LHX4: variants seen among roughly 807,000 people sequenced by gnomAD.
LHX4 encodes the protein LIM/homeobox protein Lhx4.
LHX4 carries 16 observed loss-of-function variants against 39.2 expected under a neutral mutation model. That is an observed-to-expected ratio of 0.41 (90% confidence interval 0.28 to 0.62). The LOEUF (loss-of-function observed/expected upper bound fraction) is 0.62. Among genes scored for constraint, LHX4 ranks in the 20% least tolerant of loss-of-function variants. The pLI is 0.33. For synonymous variants in LHX4, 206 were observed against 198.1 expected, an observed-to-expected ratio of 1.04 and a Z score of -0.33; for missense variants, 439 against 511.9, an observed-to-expected ratio of 0.86 and a Z score of 1.37.
intron 2 of LHX4, 43 bp downstream of exon 2, chr1:180,248,499 C>T: frequency 1.2e-6 from 2 of 1,607,000 alleles, no homozygotes; most frequent in Non-Finnish European, 1.7e-6. Context: ...CCTGTCTCTG[C>T]CTCTCCCCAA....
intron 3 of LHX4, among the ~76,000 whole-genome samples, chr1:180,268,446 C>T (rs1648427270): frequency 6.6e-6 from 1 of 152,186 alleles, no homozygotes; most frequent in Non-Finnish European, 1.5e-5. Context: ...AATATTTGCA[C>T]CACAGCAGAC....
intron 1 of LHX4, among the ~76,000 whole-genome samples, chr1:180,236,784 A>G (rs1223197358): frequency 6.6e-6 from 1 of 152,154 alleles, no homozygotes; most frequent in Non-Finnish European, 1.5e-5. Context: ...AGGGACTTGG[A>G]ACCAGTTTAG....
At chr1:180,272,290 C>T (rs1648723065) in intron 5 of LHX4, among the ~76,000 whole-genome samples, 1 of 152,178 alleles carries the variant, frequency 6.6e-6, no homozygotes. Flanking sequence ...GGGCCTCCCT[C>T]ATCAGCCCAC....
At position 180,249,396 on chromosome 1, in the gene LHX4, T is replaced by C. The variant is rs115520405; in HGVS notation, c.248+940T>C. 2.7e-3 allele frequency among the ~76,000 whole-genome samples: 411 copies of C among 152,336 alleles called. 3 individuals are homozygous for C. The highest frequency in any genetic ancestry group is 9.4e-3 in the African/African-American group (390 of 41,566). On this transcript the variant is annotated intron_variant, in intron 2 of 5. Coordinates refer to ENST00000263726, the MANE Select transcript of LHX4 (RefSeq NM_033343.4). The stretch of plus-strand genomic sequence containing the variant: ...GAATCTATTACCCAAGGCAGTGATG[T>C]TGGTGCCTTAGCCAATGTGGAGCAG...
At chr1:180,257,494 G>A (rs541914082) in intron 2 of LHX4, among the ~76,000 whole-genome samples, 17 of 152,284 alleles carry the variant, frequency 1.1e-4, no homozygotes, top group East Asian at 5.8e-4. Flanking sequence ...TAGGACCCCC[G>A]TCTGTGTCTG....
Position 180,277,626 on chromosome 1 carries a change from C to A in LHX4, c.*3047C>A, listed in dbSNP as rs951168506. 3 of 152,150 alleles carry A rather than the reference C, an allele frequency of 2.0e-5. No homozygotes were observed. Among genetic ancestry groups the A allele is most frequent in the African/African-American group, 7.2e-5 (3 of 41,394 alleles). The allele number at this position is 152,150 out of a possible 1,614,324, so 9.4% of individuals were successfully genotyped here. On this transcript the variant is annotated 3_prime_UTR_variant, in exon 6 of 6. Transcript: ENST00000263726. ...AGATTTAAGGGCTAAGAAGCTGGCC[C>A]GATGGGTAAATCAGTGTTGGGAGTC...
At chr1:180,237,113 T>G (rs1664338705) in intron 1 of LHX4, among the ~76,000 whole-genome samples, 2 of 150,958 alleles carry the variant, frequency 1.3e-5, no homozygotes, top group African/African-American at 4.9e-5. Flanking sequence ...CTTCCCCTGT[T>G]CCCCCAATTT....
chr1:180,273,752 CTGCT>C, intron 5 of LHX4: 1 of 229,820 alleles, frequency 4.4e-6, no homozygotes, highest in Non-Finnish European at 8.7e-6. Flanking sequence ...CCATATGGGC[CTGCT>C]TGCTTCCCAA....
chr1:180,239,168 G>A (rs1198250581), intron 1 of LHX4, among the ~76,000 whole-genome samples: 2 of 152,210 alleles, frequency 1.3e-5, no homozygotes, highest in African/African-American at 4.8e-5. Flanking sequence ...GCCACAGCTT[G>A]GTATATCCTG....
chr1:180,273,477 G>C (rs2149268031), intron 5 of LHX4: 1 of 152,626 alleles, frequency 6.6e-6, no homozygotes, highest in South Asian at 2.1e-4. Flanking sequence ...TGGTTTCTCT[G>C]GGAATAATTT....
Position 180,274,297 on chromosome 1 carries a change from A to G in LHX4, c.891A>G (p.Gln297=). 1.2e-6 allele frequency: 2 copies of G among 1,614,190 alleles called. No homozygotes were observed. Among genetic ancestry groups the G allele is most frequent in the Non-Finnish European group, 1.7e-6 (2 of 1,180,028 alleles). Reference sequence around the variant, plus strand: ...GCTTCTCCATGGACGGGACAGGACAATCCTATCAGGACTTGAGGGATGGGA... The same window carrying G: ...GCTTCTCCATGGACGGGACAGGACAGTCCTATCAGGACTTGAGGGATGGGA... ...NGSFSMDGTG[Q]SYQDLRDGSP... is the part of the protein sequence containing the mutation. The change falls in exon 6 of 6, where the codon CAA becomes CAG. Residue 297 remains glutamine (Q), a synonymous_variant. Transcript: ENST00000263726.
At chr1:180,258,072 C>T (rs1047608382) in intron 2 of LHX4, among the ~76,000 whole-genome samples, 4 of 152,224 alleles carry the variant, frequency 2.6e-5, no homozygotes, top group Admixed American at 2.6e-4. Flanking sequence ...GCTCTGGGTG[C>T]TGGATTCAGT....
intron 1 of LHX4, among the ~76,000 whole-genome samples, chr1:180,231,338 T>G (rs1219062102): frequency 6.6e-6 from 1 of 151,542 alleles, no homozygotes; most frequent in Non-Finnish European, 1.5e-5. Flanking sequence ...CGGGGGTGTG[T>G]GGGAGCTTTG....
Position 180,234,121 on chromosome 1 carries a change from C to T in LHX4, c.76+3516C>T, listed in dbSNP as rs1409142167. Among the ~76,000 whole-genome samples, 1 of 141,150 alleles carries T rather than the reference C, an allele frequency of 7.1e-6. No homozygotes were observed. The highest frequency in any genetic ancestry group is 2.6e-5 in the African/African-American group (1 of 38,258). 92.6% of individuals were successfully genotyped at this position (141,150 alleles called of 152,430 possible). Reference sequence around the variant, plus strand: ...GTGCTGTTCGCTCTTCTTTCCATTCCTGCCTTGTCTCCTAGTGCGAGAAAC... The same window carrying T: ...GTGCTGTTCGCTCTTCTTTCCATTCTTGCCTTGTCTCCTAGTGCGAGAAAC... On this transcript the variant is annotated intron_variant, in intron 1 of 5. Transcript: ENST00000263726. This position sits in a 1 kb window ranked among gnomAD's most constrained non-coding sequence, Gnocchi z 4.8.
intron 1 of LHX4, among the ~76,000 whole-genome samples, chr1:180,231,671 T>A (rs1254999579): frequency 6.6e-6 from 1 of 151,478 alleles, no homozygotes; most frequent in Non-Finnish European, 1.5e-5. Context: ...TCGCTCCGCT[T>A]GCCAAGGGGT....
Position 180,241,034 on chromosome 1 carries a change from A to C in LHX4, c.77-7251A>C, listed in dbSNP as rs550663336. 9.2e-5 allele frequency among the ~76,000 whole-genome samples: 14 copies of C among 152,334 alleles called. No homozygotes were observed. In the East Asian group the frequency reaches 2.7e-3, roughly 29 times the overall value. ...TTTGGGCATTTAGTTGTCTCTAGGA[A>C]AAAATGCTAGAAGCCCCAAACGTCA... On this transcript the variant is annotated intron_variant, in intron 1 of 5. Transcript: ENST00000263726.
chr1:180,255,946 T>C (rs966725254), intron 2 of LHX4, among the ~76,000 whole-genome samples: 6 of 152,220 alleles, frequency 3.9e-5, no homozygotes, highest in Non-Finnish European at 8.8e-5. Flanking sequence ...CTGGGTGACA[T>C]GGGAGTGGAA....
chr1:180,247,008 A>T (rs1167407921), intron 1 of LHX4, among the ~76,000 whole-genome samples: 1 of 152,190 alleles, frequency 6.6e-6, no homozygotes, highest in African/African-American at 2.4e-5. Flanking sequence ...TATCAGGAGG[A>T]TACTGTAGGA....
chr1:180,264,330 C>G (rs545050224), intron 2 of LHX4, among the ~76,000 whole-genome samples: 31 of 151,908 alleles, frequency 2.0e-4, no homozygotes, highest in Admixed American at 3.3e-4. Context: ...AAAACACTCT[C>G]TAGTAACACA....
Sources: gnomAD v4.1 joint callset for allele counts (sites outside exome capture counted in the v4.1 genomes callset) on GRCh38, gnomAD v4.1.1 for gene constraint, Gnocchi (gnomAD v3.1) non-coding constraint, MANE v1.5 for transcripts, NCBI Gene and HGNC (gene_info 2026-07-23, HGNC 2026-07-21) for gene names.